BTRC: variants seen among roughly 807,000 people sequenced by gnomAD.
BTRC encodes the protein beta-transducin repeat containing E3 ubiquitin protein ligase.
Under a neutral mutation model 85.5 loss-of-function variants are expected in BTRC, and 42 were observed. That is an observed-to-expected ratio of 0.49 (90% confidence interval 0.38 to 0.64). BTRC has a LOEUF of 0.64. BTRC is among the 30% of genes least tolerant of loss of function. The probability of loss-of-function intolerance (pLI) is 0.00; values close to 1 mark genes in which losing one functional copy is unlikely to be tolerated. For synonymous variants in BTRC, 255 were observed against 263.3 expected (o/e 0.97, Z 0.30); for missense variants, 594 against 743.5 (o/e 0.80, Z 2.34).
chr10:101,419,955 G>A (rs1170842689), intron 1 of BTRC, among the ~76,000 whole-genome samples: 1 of 152,074 alleles, frequency 6.6e-6, no homozygotes, highest in East Asian at 1.9e-4. Flanking sequence ...TCCTTTTAGT[G>A]GAGAGTGATA....
At chr10:101,374,216 CA>C (rs1433442111) in intron 1 of BTRC, among the ~76,000 whole-genome samples, 1 of 151,928 alleles carries the variant, frequency 6.6e-6, no homozygotes, top group African/African-American at 2.4e-5. Context: ...ACATCCTCTC[CA>C]GCACTTGTTG....
intron 1 of BTRC, among the ~76,000 whole-genome samples, chr10:101,406,322 G>A (rs1340189638): frequency 3.0e-4 from 44 of 149,060 alleles, no homozygotes; most frequent in African/African-American, 6.9e-4. Flanking sequence ...GACTACAGGC[G>A]CCCGCCACTA....
chr10:101,551,994 T>C (rs2062658101), intron 14 of BTRC, among the ~76,000 whole-genome samples: 1 of 152,102 alleles, frequency 6.6e-6, no homozygotes, highest in South Asian at 2.1e-4. Context: ...TGAGTATTAA[T>C]ATTGCAATCT....
At chr10:101,416,541 G>A (rs979461202) in intron 1 of BTRC, among the ~76,000 whole-genome samples, 1 of 152,108 alleles carries the variant, frequency 6.6e-6, no homozygotes, top group Non-Finnish European at 1.5e-5. Context: ...TCAATTGAAA[G>A]CCTGAGTTGT....
At chr10:101,387,543 T>TTTTTTTTTTTTTTTTTTA (rs1943114668) in intron 1 of BTRC, among the ~76,000 whole-genome samples, 1 of 136,302 alleles carries the variant, frequency 7.3e-6, no homozygotes, top group South Asian at 2.4e-4. Context: ...TTTTTTTTTT[T>TTTTTTTTTTTTTTTTTTA]TTTGAGATAG....
At chr10:101,491,696 CAA>C (rs1258008322) in intron 4 of BTRC, among the ~76,000 whole-genome samples, 3 of 132,824 alleles carry the variant, frequency 2.3e-5, no homozygotes. Flanking sequence ...GACTCCATCT[CAA>C]AAAAAAAAAA....
In BTRC at chr10:101,552,680, T is replaced by TCTA. The variant is rs530823386; in HGVS notation, c.*32-474_*32-472dup. Among the ~76,000 whole-genome samples, 3 of 152,276 alleles carry TCTA rather than the reference T, an allele frequency of 2.0e-5. No homozygotes were observed. In the East Asian group the frequency reaches 5.8e-4, roughly 29 times the overall value. ...TGTCCTTGAAGATAGCAAGAGCACTTCTAGTGCTCACATCCTCAACTGCAC... is the reference window on the plus strand; with the variant it reads ...TGTCCTTGAAGATAGCAAGAGCACTTCTACTAGTGCTCACATCCTCAACTGCAC... On this transcript the variant is annotated intron_variant, in intron 14 of 14. Coordinates refer to ENST00000370187, the MANE Select transcript of BTRC (RefSeq NM_033637.4).
chr10:101,530,860 A>C (rs891100618), intron 6 of BTRC, among the ~76,000 whole-genome samples: 5 of 152,214 alleles, frequency 3.3e-5, no homozygotes, highest in Non-Finnish European at 5.9e-5. Context: ...CACTTTCAAA[A>C]TATATGAAGT....
At chr10:101,448,228 G>T (rs1307807123) in intron 2 of BTRC, among the ~76,000 whole-genome samples, 1 of 152,044 alleles carries the variant, frequency 6.6e-6, no homozygotes. Flanking sequence ...TATTTGCATT[G>T]CTATAGAAAA....
intron 1 of BTRC, chr10:101,354,431 G>A (rs1054037475): frequency 5.1e-6 from 3 of 585,982 alleles, no homozygotes; most frequent in Non-Finnish European, 8.7e-6. Flanking sequence ...CAGCGGCTCC[G>A]CCATCTTGTG....
chr10:101,454,610 G>GT (rs1463715601), intron 2 of BTRC, among the ~76,000 whole-genome samples: 1 of 151,990 alleles, frequency 6.6e-6, no homozygotes, highest in East Asian at 1.9e-4. Flanking sequence ...GAGAACCCCT[G>GT]TATCTACAAA....
At chr10:101,372,692 C>A (rs907161295) in intron 1 of BTRC, among the ~76,000 whole-genome samples, 1 of 150,922 alleles carries the variant, frequency 6.6e-6, no homozygotes, top group African/African-American at 2.4e-5. Flanking sequence ...TGGTGAAATC[C>A]CGTCTCTACT....
chr10:101,393,911 A>G (rs1943298990), intron 1 of BTRC, among the ~76,000 whole-genome samples: 1 of 152,176 alleles, frequency 6.6e-6, no homozygotes, highest in Non-Finnish European at 1.5e-5. Flanking sequence ...AAAGCAGTTG[A>G]ATGAGAAAAC....
intron 4 of BTRC, among the ~76,000 whole-genome samples, chr10:101,512,496 A>G (rs1445104422): frequency 6.6e-6 from 1 of 152,236 alleles, no homozygotes; most frequent in Admixed American, 6.5e-5. Flanking sequence ...ATTTGGATGC[A>G]AACTAGAAAT....
In BTRC at chr10:101,554,272, A is replaced by G. The variant is rs2062697340; in HGVS notation, c.*1149A>G. The G allele has an allele frequency of 6.6e-6, 1 of 152,250 alleles. No individual in the cohort carries two copies. Among genetic ancestry groups the G allele is most frequent in the South Asian group, 2.1e-4 (1 of 4,830 alleles). 9.4% of individuals were successfully genotyped at this position (152,250 alleles called of 1,614,324 possible). A position where few individuals can be genotyped will look rare whatever the true frequency, so the allele number is the denominator to read the frequency against. On this transcript the variant is annotated 3_prime_UTR_variant, in exon 15 of 15. Coordinates refer to ENST00000370187, the MANE Select transcript of BTRC (RefSeq NM_033637.4). ...AGAAAGATTTGAAATGGCCAGAGCC[A>G]ATCGCTTGGTGCATTCTGCGTAATG...
intron 1 of BTRC, 92 bp from the exon 2 acceptor site, chr10:101,430,253 G>A (rs1386728446): frequency 1.4e-6 from 1 of 719,932 alleles, no homozygotes; most frequent in Admixed American, 2.9e-5. Context: ...GCTGCAACTG[G>A]AATATTGCGT....
At chr10:101,354,414 G>T in intron 1 of BTRC, 186 bp downstream of exon 1, 1 of 637,680 alleles carries the variant, frequency 1.6e-6, no homozygotes, top group South Asian at 2.2e-5. Context: ...GGACCCAGGG[G>T]TGGGGGCAGC....
chr10:101,548,476 G>A (rs1174601316), intron 13 of BTRC, among the ~76,000 whole-genome samples: 1 of 152,216 alleles, frequency 6.6e-6, no homozygotes, highest in Admixed American at 6.5e-5. Flanking sequence ...CATGAGCTGG[G>A]CTCAGTGGCT....
chr10:101,530,707 GT>G (rs2062267390), intron 6 of BTRC, among the ~76,000 whole-genome samples: 1 of 152,082 alleles, frequency 6.6e-6, no homozygotes, highest in Admixed American at 6.6e-5. Context: ...AAATAATCAT[GT>G]TTTACCCAAA....
Sources: gnomAD v4.1 joint callset for allele counts (sites outside exome capture counted in the v4.1 genomes callset) on GRCh38, gnomAD v4.1.1 for gene constraint, MANE v1.5 for transcripts, NCBI Gene and HGNC (gene_info 2026-07-23, HGNC 2026-07-21) for gene names.